RSRC1: variants seen among roughly 807,000 people sequenced by gnomAD.
RSRC1 encodes serine/Arginine-related protein 53.
Under a neutral mutation model 49.1 loss-of-function variants are expected in RSRC1, and 39 were observed. The observed-to-expected ratio is 0.79, with a 90% confidence interval of 0.61 to 1.04. The LOEUF (loss-of-function observed/expected upper bound fraction) is 1.04. Among genes scored for constraint, RSRC1 ranks in the 50% least tolerant of loss-of-function variants. The probability of loss-of-function intolerance (pLI) is 0.00; values close to 1 mark genes in which losing one functional copy is unlikely to be tolerated. For missense variants in RSRC1, 388 were observed against 402.4 expected, an observed-to-expected ratio of 0.96 and a Z score of 0.31; for synonymous variants, 143 against 130.8, an observed-to-expected ratio of 1.09 and a Z score of -0.63.
intron 7 of RSRC1, among the ~76,000 whole-genome samples, chr3:158,474,218 C>T (rs779771006): frequency 2.5e-4 from 38 of 151,958 alleles, no homozygotes; most frequent in Admixed American, 5.9e-4. Context: ...CAGACCATTC[C>T]GATAAAGCAA....
At chr3:158,282,278 T>C (rs1726226249) in intron 4 of RSRC1, among the ~76,000 whole-genome samples, 1 of 152,222 alleles carries the variant, frequency 6.6e-6, no homozygotes, top group Non-Finnish European at 1.5e-5. Flanking sequence ...TATCCACAGA[T>C]TTAATATTCT....
At chr3:158,191,679 T>C (rs1302397433) in intron 3 of RSRC1, among the ~76,000 whole-genome samples, 1 of 152,010 alleles carries the variant, frequency 6.6e-6, no homozygotes, top group Admixed American at 6.6e-5. Context: ...TAGATCTCCA[T>C]ATTGGCTTTG....
At chr3:158,370,678 A>C (rs951272283) in intron 6 of RSRC1, among the ~76,000 whole-genome samples, 1 of 151,736 alleles carries the variant, frequency 6.6e-6, no homozygotes, top group African/African-American at 2.4e-5. Flanking sequence ...AAATTGTTTC[A>C]GTTTATGGTT....
chr3:158,118,413 CTGTGTGTGTGTG>C (rs57257889), intron 1 of RSRC1, among the ~76,000 whole-genome samples: 1,935 of 90,120 alleles, frequency 0.021, 24 homozygotes, highest in Admixed American at 0.026. Flanking sequence ...ACCTGGCCTT[CTGTGTGTGTGTG>C]TGTGTGTGTG....
chr3:158,494,719 CTTT>C (rs1232450194), intron 7 of RSRC1, among the ~76,000 whole-genome samples: 1 of 151,938 alleles, frequency 6.6e-6, no homozygotes, highest in East Asian at 1.9e-4. Context: ...AACTTTAAAA[CTTT>C]TTCGTTAAAA....
chr3:158,291,085 T>C (rs571062496), intron 4 of RSRC1, among the ~76,000 whole-genome samples: 4 of 152,280 alleles, frequency 2.6e-5, no homozygotes, highest in Admixed American at 2.6e-4. Context: ...CCTGTGGTCA[T>C]AGCTACTTGG....
intron 6 of RSRC1, among the ~76,000 whole-genome samples, chr3:158,421,838 G>T (rs1407406181): frequency 6.6e-6 from 1 of 151,718 alleles, no homozygotes; most frequent in Non-Finnish European, 1.5e-5. Context: ...ACAAATGGCA[G>T]AGTTTATAGG....
At chr3:158,325,888 A>C (rs1402704730) in intron 5 of RSRC1, among the ~76,000 whole-genome samples, 2 of 152,012 alleles carry the variant, frequency 1.3e-5, no homozygotes, top group Non-Finnish European at 2.9e-5. Flanking sequence ...ATTTGTTTGT[A>C]TCCTCTTTTA....
rs376787157 is a variant in RSRC1, at chr3:158,211,585, A to G, written c.494+8340A>G. 6.5e-4 allele frequency among the ~76,000 whole-genome samples: 99 copies of G among 152,118 alleles called. No homozygotes were observed. The South Asian group carries it at 0.018, about 27-fold the overall frequency. On this transcript the variant is annotated intron_variant, in intron 4 of 9. Coordinates refer to ENST00000611884, the MANE Select transcript of RSRC1 (RefSeq NM_001271838.2). ...CATTGCTATCAATTATCTATAATCTATGGAGTCTAAAAATACCTCAGATAA... is the reference window on the plus strand; with the variant it reads ...CATTGCTATCAATTATCTATAATCTGTGGAGTCTAAAAATACCTCAGATAA...
chr3:158,227,807 T>A (rs1243654823), intron 4 of RSRC1, among the ~76,000 whole-genome samples: 1 of 152,072 alleles, frequency 6.6e-6, no homozygotes, highest in Non-Finnish European at 1.5e-5. Context: ...CTTAACTCTG[T>A]TCCTGTGGTT....
chr3:158,306,180 T>A (rs988270119), intron 5 of RSRC1, among the ~76,000 whole-genome samples: 1 of 151,958 alleles, frequency 6.6e-6, no homozygotes, highest in African/African-American at 2.4e-5. Flanking sequence ...AAAAAATGAT[T>A]ATATCTTTTC....
chr3:158,380,194 T>C (rs1265098183), intron 6 of RSRC1, among the ~76,000 whole-genome samples: 1 of 152,198 alleles, frequency 6.6e-6, no homozygotes, highest in East Asian at 1.9e-4. Flanking sequence ...TTAAGAAAAA[T>C]AATTTCACTT....
At chr3:158,221,637 C>T (rs1468638734) in intron 4 of RSRC1, among the ~76,000 whole-genome samples, 2 of 151,354 alleles carry the variant, frequency 1.3e-5, no homozygotes, top group Non-Finnish European at 3.0e-5. Context: ...AACTTGAACT[C>T]CTTTGTTTTG....
At chr3:158,320,723 C>G (rs1053504060) in intron 5 of RSRC1, among the ~76,000 whole-genome samples, 28 of 152,268 alleles carry the variant, frequency 1.8e-4, no homozygotes, top group Non-Finnish European at 3.8e-4. Context: ...TAGGGGACTT[C>G]CAGCTCATAC....
chr3:158,351,909 TA>T (rs1203862522), intron 5 of RSRC1, among the ~76,000 whole-genome samples: 2 of 146,786 alleles, frequency 1.4e-5, no homozygotes, highest in African/African-American at 5.0e-5. Context: ...TATAATTATA[TA>T]AATATTATAT....
chr3:158,222,496 G>T (rs1034641646), intron 4 of RSRC1, among the ~76,000 whole-genome samples: 5 of 151,388 alleles, frequency 3.3e-5, no homozygotes, highest in Admixed American at 2.0e-4. Flanking sequence ...ACAACATCTT[G>T]TTTGTACACT....
chr3:158,543,571 CA>C, intron 9 of RSRC1, 84 bp downstream of exon 9: 1 of 1,356,024 alleles, frequency 7.4e-7, no homozygotes. Flanking sequence ...GTGCTAACAC[CA>C]AGGAGACCAT....
At chr3:158,327,148 C>T (rs913882329) in intron 5 of RSRC1, among the ~76,000 whole-genome samples, 5 of 152,072 alleles carry the variant, frequency 3.3e-5, no homozygotes, top group African/African-American at 9.7e-5. Context: ...GTCTTGCTAG[C>T]GGTCTATCAA....
chr3:158,408,843 C>T (rs527697789), intron 6 of RSRC1, among the ~76,000 whole-genome samples: 1 of 151,952 alleles, frequency 6.6e-6, no homozygotes, highest in African/African-American at 2.4e-5. Flanking sequence ...ACCAGCCTGG[C>T]CAACATGGTG....
Sources: gnomAD v4.1 joint callset for allele counts (sites outside exome capture counted in the v4.1 genomes callset) on GRCh38, gnomAD v4.1.1 for gene constraint, MANE v1.5 for transcripts, NCBI Gene and HGNC (gene_info 2026-07-23, HGNC 2026-07-21) for gene names.